The following CFDP1 variants were observed in gnomAD, a reference collection of about 807,000 sequenced individuals.
CFDP1 encodes the protein heterochromatin-stabilizing protein CFDP1.
A neutral mutation model predicts 40.1 loss-of-function variants in CFDP1; 31 were observed. The observed-to-expected ratio is 0.77, with a 90% CI of 0.58 to 1.04. CFDP1 has a LOEUF of 1.04. Ranked by LOEUF, CFDP1 falls within the 50% of genes least tolerant of loss-of-function variation. The pLI is 0.00. For synonymous variants in CFDP1, 167 were observed against 120.0 expected (o/e 1.39, Z -2.56); for missense variants, 423 against 343.4 (o/e 1.23, Z -1.83).
intron 4 of CFDP1, among the ~76,000 whole-genome samples, chr16:75,410,674 C>T (rs35261357): frequency 0.52 from 78,073 of 150,922 alleles, 21,181 homozygotes; most frequent in Admixed American, 0.64. Flanking sequence ...TTTGGGAGGC[C>T]GAGGCGGGCG....
intron 6 of CFDP1, among the ~76,000 whole-genome samples, chr16:75,304,288 G>A (rs1000608885): frequency 2.0e-5 from 3 of 152,046 alleles, no homozygotes; most frequent in Admixed American, 2.0e-4. Context: ...GGCTGGTCTC[G>A]AAATCCTGAC....
chr16:75,321,552 G>A (rs972769222), intron 5 of CFDP1, among the ~76,000 whole-genome samples: 4 of 152,062 alleles, frequency 2.6e-5, no homozygotes, highest in African/African-American at 9.7e-5. Context: ...TTCTGTTATT[G>A]TTTTGTTTTG....
chr16:75,380,424 T>C (rs1163073266), intron 5 of CFDP1, among the ~76,000 whole-genome samples: 1 of 152,048 alleles, frequency 6.6e-6, no homozygotes, highest in East Asian at 1.9e-4. Context: ...GGAAGACAGT[T>C]TCAATAACTT....
chr16:75,374,993 T>C (rs1198609662), intron 5 of CFDP1, among the ~76,000 whole-genome samples: 1 of 152,030 alleles, frequency 6.6e-6, no homozygotes, highest in Non-Finnish European at 1.5e-5. Flanking sequence ...TTTCATTTTG[T>C]CTTCTATATC....
At chr16:75,367,101 T>C (rs1002016961) in intron 5 of CFDP1, among the ~76,000 whole-genome samples, 1 of 148,890 alleles carries the variant, frequency 6.7e-6, no homozygotes, top group African/African-American at 2.5e-5. Context: ...GAGACAGAGG[T>C]TGCAGCGAGC....
At chr16:75,391,831 T>C (rs990845904) in intron 5 of CFDP1, among the ~76,000 whole-genome samples, 6 of 151,718 alleles carry the variant, frequency 4.0e-5, no homozygotes, top group African/African-American at 1.5e-4. Context: ...CAGCCAGGTG[T>C]GGTGGCGGGC....
chr16:75,424,449 T>A (rs936145988), intron 1 of CFDP1, among the ~76,000 whole-genome samples: 3 of 152,138 alleles, frequency 2.0e-5, no homozygotes, highest in Non-Finnish European at 4.4e-5. Context: ...TAGTTTCTTT[T>A]CCCCCTTAAG....
intron 5 of CFDP1, among the ~76,000 whole-genome samples, chr16:75,346,529 G>C (rs1161080211): frequency 7.2e-6 from 1 of 139,178 alleles, no homozygotes; most frequent in Non-Finnish European, 1.5e-5. Context: ...CTTGCAGTGA[G>C]CCGTGATCAT....
chr16:75,300,792 T>C (rs1324766001), intron 6 of CFDP1, among the ~76,000 whole-genome samples: 2 of 137,928 alleles, frequency 1.5e-5, no homozygotes, highest in Admixed American at 7.0e-5. Flanking sequence ...CAGGGGATAC[T>C]TTTTTTTTTT....
chr16:75,349,516 G>T (rs1392725752), intron 5 of CFDP1, among the ~76,000 whole-genome samples: 2 of 145,318 alleles, frequency 1.4e-5, no homozygotes, highest in Non-Finnish European at 3.0e-5. Context: ...CTCAAAAAAA[G>T]AAAAAAAAGA....
chr16:75,308,423 G>A (rs2078272474), intron 5 of CFDP1, among the ~76,000 whole-genome samples: 3 of 152,122 alleles, frequency 2.0e-5, no homozygotes, highest in African/African-American at 7.2e-5. Context: ...CTGCTTTGAG[G>A]GGACTCTAAC....
chr16:75,431,887 G>T (rs1040796468), intron 1 of CFDP1, among the ~76,000 whole-genome samples: 66 of 104,264 alleles, frequency 6.3e-4, no homozygotes, highest in African/African-American at 1.8e-3. Context: ...ATAAAATAGG[G>T]ATGAGGGTGA....
intron 4 of CFDP1, among the ~76,000 whole-genome samples, chr16:75,408,556 A>C (rs1030413002): frequency 2.0e-5 from 3 of 151,984 alleles, no homozygotes; most frequent in African/African-American, 7.2e-5. Flanking sequence ...AGGAGGGTGG[A>C]TCATAAGGTC....
At chr16:75,297,195 T>TGTGTGTGTGTGTGTGTGTGTGTGTG (rs1491320265) in intron 6 of CFDP1, among the ~76,000 whole-genome samples, 1 of 150,026 alleles carries the variant, frequency 6.7e-6, no homozygotes, top group Non-Finnish European at 1.5e-5. Flanking sequence ...TGTGTGTGTG[T>TGTGTGTGTGTGTGTGTGTGTGTGTG]TTTTAGTAGA....
At chr16:75,396,827 G>C (rs990835293) in intron 4 of CFDP1, among the ~76,000 whole-genome samples, 9 of 151,990 alleles carry the variant, frequency 5.9e-5, no homozygotes, top group Non-Finnish European at 1.0e-4. Flanking sequence ...AAACACCTGA[G>C]GAATTTTGTT....
At chr16:75,376,541 A>T (rs1278703225) in intron 5 of CFDP1, among the ~76,000 whole-genome samples, 2 of 152,202 alleles carry the variant, frequency 1.3e-5, no homozygotes, top group Non-Finnish European at 2.9e-5. Flanking sequence ...AAGCAAAACT[A>T]ATCTATCATG....
At chr16:75,321,323 C>G (rs1299281044) in intron 5 of CFDP1, among the ~76,000 whole-genome samples, 1 of 152,078 alleles carries the variant, frequency 6.6e-6, no homozygotes. Flanking sequence ...AAAGATTTCA[C>G]CTATTTAAAA....
At chr16:75,305,296 G>A in intron 5 of CFDP1, 114 bp from the exon 6 acceptor site, 1 of 1,034,332 alleles carries the variant, frequency 9.7e-7, no homozygotes. Flanking sequence ...CTTAGTGGAA[G>A]CCATGTTCAT....
chr16:75,323,283 G>A (rs975497728), intron 5 of CFDP1, among the ~76,000 whole-genome samples: 2 of 151,456 alleles, frequency 1.3e-5, no homozygotes, highest in Non-Finnish European at 1.5e-5. Context: ...CACAGGGTCA[G>A]GATCATCAAT....
Sources: allele counts gnomAD v4.1 joint callset (sites outside exome capture counted in the v4.1 genomes callset), GRCh38; gene constraint gnomAD v4.1.1; transcripts MANE v1.5; gene names NCBI Gene and HGNC (gene_info 2026-07-23, HGNC 2026-07-21).